CPA6: variants seen among roughly 807,000 people sequenced by gnomAD.
The protein encoded by CPA6 is carboxypeptidase A6, also known as carboxypeptidase B.
In CPA6, 58 loss-of-function variants were observed where a neutral mutation model predicts 63.3. The ratio of observed to expected loss-of-function variants is 0.92; its 90% CI spans 0.74 to 1.14. The LOEUF (loss-of-function observed/expected upper bound fraction) is 1.14, where lower values mean the gene tolerates loss of function less well. Among genes scored for constraint, CPA6 ranks in the 50% most tolerant of loss-of-function variants. CPA6 has a pLI of 0.00. For synonymous variants in CPA6, 185 were observed against 179.0 expected, an observed-to-expected ratio of 1.03 and a Z score of -0.27; for missense variants, 565 against 526.6, an observed-to-expected ratio of 1.07 and a Z score of -0.71.
rs569248207 is a variant in CPA6, at chr8:67,428,101, G to A, written c.1072C>T (p.Leu358Phe). 5.0e-6 allele frequency: 8 copies of A among 1,612,988 alleles called. No homozygotes were observed. Among genetic ancestry groups the A allele is most frequent in the Non-Finnish European group, 6.8e-6 (8 of 1,179,140 alleles). The change falls in exon 10 of 11, where the codon CTT (leucine) becomes TTT (phenylalanine). Residue 358 changes from leucine to phenylalanine, a missense_variant. Physicochemically the swap from Leu to Phe is conservative, Grantham distance 22 (BLOSUM62 0). Coordinates refer to ENST00000297770, the MANE Select transcript of CPA6 (RefSeq NM_020361.5). Reference sequence around the variant, plus strand: ...TATCGTACCCCGTATACTGACTGAAGTGCATTCACAGCTTTATAAGCTGCA... The same window carrying A: ...TATCGTACCCCGTATACTGACTGAAATGCATTCACAGCTTTATAAGCTGCA... Reference protein sequence around the residue: ...ESAAYKAVNALQSVYGVRYRY... With the variant: ...ESAAYKAVNAFQSVYGVRYRY...
chr8:67,492,435 A>G (rs1331034819), intron 6 of CPA6, among the ~76,000 whole-genome samples: 1 of 152,196 alleles, frequency 6.6e-6, no homozygotes, highest in Non-Finnish European at 1.5e-5. Context: ...AGCTATACAG[A>G]GAGAAGATAA....
chr8:67,652,308 G>C (rs1163687634), intron 1 of CPA6, among the ~76,000 whole-genome samples: 1 of 152,134 alleles, frequency 6.6e-6, no homozygotes, highest in Non-Finnish European at 1.5e-5. Flanking sequence ...GATCCCTGAG[G>C]AATCGCCACA....
At chr8:67,512,965 A>G (rs1463990219) in intron 3 of CPA6, among the ~76,000 whole-genome samples, 1 of 152,222 alleles carries the variant, frequency 6.6e-6, no homozygotes, top group East Asian at 1.9e-4. Context: ...ATTCTTTTTC[A>G]TTTACTCATT....
chr8:67,658,290 T>A (rs1303291220), intron 1 of CPA6, among the ~76,000 whole-genome samples: 1 of 152,224 alleles, frequency 6.6e-6, no homozygotes, highest in African/African-American at 2.4e-5. Context: ...TTTTTATGAC[T>A]GTCTCCCTGG....
chr8:67,633,610 G>A (rs1208711463), intron 1 of CPA6, among the ~76,000 whole-genome samples: 1 of 151,828 alleles, frequency 6.6e-6, no homozygotes, highest in East Asian at 1.9e-4. Context: ...GAACCAGGGA[G>A]GCGGAGCTTG....
intron 2 of CPA6, among the ~76,000 whole-genome samples, chr8:67,581,500 T>A (rs1009372464): frequency 6.6e-6 from 1 of 152,196 alleles, no homozygotes; most frequent in African/African-American, 2.4e-5. Context: ...AGCAGGATAT[T>A]TTTTCCCTGA....
intron 3 of CPA6, among the ~76,000 whole-genome samples, chr8:67,512,840 C>T (rs538908830): frequency 1.3e-5 from 2 of 152,004 alleles, no homozygotes; most frequent in Non-Finnish European, 2.9e-5. Context: ...TTATTTAAAG[C>T]CTTTAATATT....
intron 10 of CPA6, among the ~76,000 whole-genome samples, chr8:67,423,952 T>C (rs1809826070): frequency 6.6e-6 from 1 of 152,214 alleles, no homozygotes; most frequent in African/African-American, 2.4e-5. Flanking sequence ...AAGCTTCACC[T>C]GTATTTACAG....
At chr8:67,572,737 A>G (rs1465257413) in intron 2 of CPA6, among the ~76,000 whole-genome samples, 1 of 152,248 alleles carries the variant, frequency 6.6e-6, no homozygotes, top group Admixed American at 6.5e-5. Flanking sequence ...TTCTCTACAG[A>G]CTTCCAAAAA....
Position 67,545,892 on chromosome 8 carries a change from T to C in CPA6, c.193-27845A>G, listed in dbSNP as rs189612679. Among the ~76,000 whole-genome samples the C allele has an allele frequency of 7.2e-3, 1,096 of 152,208 alleles. 12 individuals are homozygous for C. Among genetic ancestry groups the C allele is most frequent in the African/African-American group, 0.025 (1,040 of 41,522 alleles). ...GTTATCTTTCTAAAATGCAGCCACCTACTGAAAAATCTCTGTCATCCATCG... is the reference window on the plus strand; with the variant it reads ...GTTATCTTTCTAAAATGCAGCCACCCACTGAAAAATCTCTGTCATCCATCG... On this transcript the variant is annotated intron_variant, in intron 2 of 10. Coordinates refer to ENST00000297770, the MANE Select transcript of CPA6 (RefSeq NM_020361.5).
chr8:67,558,189 CTT>C (rs1056587022), intron 2 of CPA6, among the ~76,000 whole-genome samples: 4 of 152,212 alleles, frequency 2.6e-5, no homozygotes, highest in Admixed American at 6.5e-5. Flanking sequence ...AATGTTCTCT[CTT>C]GAGACCTTTG....
intron 6 of CPA6, among the ~76,000 whole-genome samples, chr8:67,486,613 T>C (rs1811483597): frequency 6.6e-6 from 1 of 152,180 alleles, no homozygotes; most frequent in Non-Finnish European, 1.5e-5. Context: ...CTTTCGTATT[T>C]TGTCCTTGTC....
intron 8 of CPA6, among the ~76,000 whole-genome samples, chr8:67,480,999 A>C (rs1811349883): frequency 6.6e-6 from 1 of 152,056 alleles, no homozygotes. Flanking sequence ...TCATTTGTGC[A>C]CTTTTAAATT....
intron 2 of CPA6, among the ~76,000 whole-genome samples, chr8:67,588,181 T>C (rs1813999138): frequency 6.6e-6 from 1 of 152,082 alleles, no homozygotes; most frequent in African/African-American, 2.4e-5. Context: ...TGAAGAGAAA[T>C]AGGGAGATCA....
intron 2 of CPA6, among the ~76,000 whole-genome samples, chr8:67,553,471 T>C (rs1812994463): frequency 6.6e-6 from 1 of 152,204 alleles, no homozygotes; most frequent in Non-Finnish European, 1.5e-5. Flanking sequence ...CAGAGAAACC[T>C]ACTGGTAATA....
intron 6 of CPA6, among the ~76,000 whole-genome samples, chr8:67,499,382 G>C (rs1811788260): frequency 6.6e-6 from 1 of 152,148 alleles, no homozygotes; most frequent in Non-Finnish European, 1.5e-5. Context: ...TGGTTCCAAA[G>C]AATGGAAACC....
intron 1 of CPA6, among the ~76,000 whole-genome samples, chr8:67,649,242 T>C (rs545888404): frequency 1.1e-3 from 163 of 152,192 alleles, no homozygotes; most frequent in Non-Finnish European, 1.9e-3. Context: ...ATTGGAAACA[T>C]CTGCATGCAA....
intron 4 of CPA6, among the ~76,000 whole-genome samples, chr8:67,509,881 A>T (rs977654397): frequency 6.6e-6 from 1 of 152,306 alleles, no homozygotes; most frequent in Middle Eastern, 3.4e-3. Context: ...ACCATATATC[A>T]TTAATATACG....
chr8:67,570,764 T>C (rs1441563663), intron 2 of CPA6, among the ~76,000 whole-genome samples: 1 of 151,842 alleles, frequency 6.6e-6, no homozygotes, highest in African/African-American at 2.4e-5. Flanking sequence ...AAGGAAGACA[T>C]CAAGAGAGGA....
Sources: allele counts gnomAD v4.1 joint callset (sites outside exome capture counted in the v4.1 genomes callset), GRCh38; gene constraint gnomAD v4.1.1; transcripts MANE v1.5; gene names NCBI Gene and HGNC (gene_info 2026-07-23, HGNC 2026-07-21).